The following PDK1 variants were observed in gnomAD, a reference collection of about 807,000 sequenced individuals.
PDK1 encodes the protein [Pyruvate dehydrogenase (acetyl-transferring)] kinase isozyme 1, mitochondrial.
A neutral mutation model predicts 54.2 loss-of-function variants in PDK1; 39 were observed. The ratio of observed to expected loss-of-function variants is 0.72; its 90% CI spans 0.56 to 0.94. The LOEUF (loss-of-function observed/expected upper bound fraction) is 0.94, where lower values mean the gene tolerates loss of function less well. PDK1 is among the 40% of genes least tolerant of loss of function. PDK1 has a pLI of 0.00. For synonymous variants in PDK1, 221 were observed against 207.1 expected (o/e 1.07, Z -0.58); for missense variants, 552 against 566.0 (o/e 0.98, Z 0.25).
chr2:172,557,092 C>G (rs971854390), intron 1 of PDK1, among the ~76,000 whole-genome samples: 3 of 152,216 alleles, frequency 2.0e-5, no homozygotes, highest in Non-Finnish European at 4.4e-5. Context: ...AGGTTATCTT[C>G]TGCATTGTGA....
At position 172,559,708 on chromosome 2, in the gene PDK1, T is replaced by A. The variant is rs977198459; in HGVS notation, c.338+859T>A. 5.3e-5 allele frequency among the ~76,000 whole-genome samples: 8 copies of A among 152,036 alleles called. 1 individual carries two copies. The highest frequency in any genetic ancestry group is 9.7e-5 in the African/African-American group (4 of 41,384). ...GATTACAGGCACCTGCCACCATGCC[T>A]GGCTAATTTTTGTATTTTTAGTAGA... On this transcript the variant is annotated intron_variant, in intron 2 of 10. Transcript: ENST00000282077.
At chr2:172,631,689 C>T in the PDK1 span, among the ~76,000 whole-genome samples, 2 of 152,076 alleles carry the variant, frequency 1.3e-5, no homozygotes, top group Non-Finnish European at 2.9e-5. Context: ...TCTGAGGTAA[C>T]ATACATGGGG....
the PDK1 span, among the ~76,000 whole-genome samples, chr2:172,620,412 C>T: frequency 2.0e-5 from 3 of 152,086 alleles, no homozygotes; most frequent in Admixed American, 6.5e-5. Flanking sequence ...ACGGTGGAAA[C>T]GATGGCATGT....
intron 1 of PDK1, 28 bp from the exon 2 acceptor site, chr2:172,558,679 AC>A (rs764884522): frequency 6.4e-7 from 1 of 1,557,788 alleles, no homozygotes; most frequent in Admixed American, 2.2e-5. Flanking sequence ...GCTTTTACTT[AC>A]TGCTTTACCC....
chr2:172,609,822 T>C (rs1315575308), downstream of PDK1, among the ~76,000 whole-genome samples: 1 of 151,364 alleles, frequency 6.6e-6, no homozygotes, highest in African/African-American at 2.5e-5. Flanking sequence ...TCACTACTTT[T>C]TTTGTTTTGT....
the PDK1 span, among the ~76,000 whole-genome samples, chr2:172,710,392 C>T: frequency 6.6e-6 from 1 of 152,206 alleles, no homozygotes; most frequent in African/African-American, 2.4e-5. Flanking sequence ...AAAACACTTT[C>T]ATTCCAATGT....
intron 1 of PDK1, among the ~76,000 whole-genome samples, chr2:172,557,668 T>TG (rs1688420975): frequency 6.7e-6 from 1 of 149,946 alleles, no homozygotes; most frequent in South Asian, 2.1e-4. Flanking sequence ...AAAATAGAAA[T>TG]GGGGTCTCAC....
rs1691084739 is a variant in PDK1 at position 172,600,714 on chromosome 2, A to G, written c.*4745A>G. ...AGGAGGGGGCTCATGAGGAGGGGATATCTTATCCTCCTAGGGTCCGAGGAC... is the reference window on the plus strand; with the variant it reads ...AGGAGGGGGCTCATGAGGAGGGGATGTCTTATCCTCCTAGGGTCCGAGGAC... On this transcript the variant is annotated 3_prime_UTR_variant, in exon 11 of 11. Transcript: ENST00000282077. 1 of 152,292 alleles carries G rather than the reference A, an allele frequency of 6.6e-6. No homozygotes were observed. Among genetic ancestry groups the G allele is most frequent in the Non-Finnish European group, 1.5e-5 (1 of 68,114 alleles). 9.4% of individuals were successfully genotyped at this position (152,292 alleles called of 1,614,324 possible).
At chr2:172,683,454 C>A in the PDK1 span, among the ~76,000 whole-genome samples, 1 of 152,022 alleles carries the variant, frequency 6.6e-6, no homozygotes, top group African/African-American at 2.4e-5. Flanking sequence ...CTGGGGAGGC[C>A]TCAGGAAGCT....
the PDK1 span, among the ~76,000 whole-genome samples, chr2:172,710,587 G>T: frequency 3.6e-4 from 55 of 152,320 alleles, 1 homozygote; most frequent in Middle Eastern, 6.8e-3. Flanking sequence ...GTTTAGGCAT[G>T]CACAGTCCTT....
At chr2:172,650,647 A>G in the PDK1 span, among the ~76,000 whole-genome samples, 1 of 152,092 alleles carries the variant, frequency 6.6e-6, no homozygotes, top group Admixed American at 6.5e-5. Flanking sequence ...CTACCAAGCA[A>G]ATGGAAAACA....
At chr2:172,706,415 G>A in the PDK1 span, among the ~76,000 whole-genome samples, 1 of 150,490 alleles carries the variant, frequency 6.6e-6, no homozygotes, top group East Asian at 1.9e-4. Context: ...GTTGGTGTCT[G>A]TCAATTGTCT....
chr2:172,700,645 A>G, the PDK1 span, among the ~76,000 whole-genome samples: 1 of 152,128 alleles, frequency 6.6e-6, no homozygotes, highest in South Asian at 2.1e-4. Flanking sequence ...TGGGAGGCTA[A>G]GGCAGGCGGC....
At chr2:172,581,215 C>T (rs113110686) in intron 8 of PDK1, among the ~76,000 whole-genome samples, 5,501 of 152,146 alleles carry the variant, frequency 0.036, 146 homozygotes, top group Admixed American at 0.089. Flanking sequence ...GCCTCAGTCC[C>T]TAGTAGCTGG....
chr2:172,682,349 G>A, the PDK1 span, among the ~76,000 whole-genome samples: 109 of 152,330 alleles, frequency 7.2e-4, no homozygotes, highest in African/African-American at 2.5e-3. Flanking sequence ...TTTTTCTGAA[G>A]GTGAAATGGA....
the PDK1 span, among the ~76,000 whole-genome samples, chr2:172,693,075 C>T: frequency 6.6e-6 from 1 of 152,336 alleles, no homozygotes; most frequent in Admixed American, 6.5e-5. Flanking sequence ...AAATCTGGAC[C>T]CTCCTGGAGG....
At chr2:172,615,568 A>T in the PDK1 span, among the ~76,000 whole-genome samples, 1 of 152,112 alleles carries the variant, frequency 6.6e-6, no homozygotes, top group African/African-American at 2.4e-5. Flanking sequence ...GGTTGCAGTG[A>T]GCCGAGATTG....
rs201570791 is a variant in PDK1, at chr2:172,562,210, T to C, written c.339-10T>C. Reference sequence around the variant, plus strand: ...AAAGAACAAACTTATCCTATTGATCTGCATTTTAGGTATATCCAGAGTCTT... The same window carrying C: ...AAAGAACAAACTTATCCTATTGATCCGCATTTTAGGTATATCCAGAGTCTT... On this transcript the variant is annotated splice_polypyrimidine_tract_variant and intron_variant, in intron 2 of 10. Coordinates refer to ENST00000282077, the MANE Select transcript of PDK1 (RefSeq NM_002610.5). The C allele has an allele frequency of 1.1e-5, 17 of 1,486,532 alleles. No homozygotes were observed. The East Asian group carries it at 3.6e-4, about 32-fold the overall frequency. The allele number at this position is 1,486,532 out of a possible 1,614,324, so 92.1% of individuals were successfully genotyped here. A position where few individuals can be genotyped will look rare whatever the true frequency, so the allele number is the denominator to read the frequency against.
the PDK1 span, among the ~76,000 whole-genome samples, chr2:172,668,003 A>G: frequency 6.6e-6 from 1 of 152,192 alleles, no homozygotes; most frequent in Non-Finnish European, 1.5e-5. Context: ...CTCAATAATA[A>G]ACGTTAGGTA....
Sources: allele counts gnomAD v4.1 joint callset (sites outside exome capture counted in the v4.1 genomes callset), GRCh38; gene constraint gnomAD v4.1.1; transcripts MANE v1.5; gene names NCBI Gene and HGNC (gene_info 2026-07-23, HGNC 2026-07-21).